ZRANB3: variants seen among roughly 807,000 people sequenced by gnomAD.
The protein encoded by ZRANB3 is zinc finger RANBP2-type containing 3.
A neutral mutation model predicts 133.8 loss-of-function variants in ZRANB3; 125 were observed. The ratio of observed to expected loss-of-function variants is 0.93; its 90% CI spans 0.81 to 1.08. ZRANB3 has a LOEUF of 1.08. Among genes scored for constraint, ZRANB3 ranks in the 50% least tolerant of loss-of-function variants. The pLI is 0.00. For synonymous variants in ZRANB3, 387 were observed against 432.7 expected (o/e 0.89, Z 1.31); for missense variants, 1,229 against 1,275.5 (o/e 0.96, Z 0.56).
chr2:135,272,368 T>C (rs1182630448), intron 9 of ZRANB3, among the ~76,000 whole-genome samples: 2 of 150,784 alleles, frequency 1.3e-5, no homozygotes, highest in South Asian at 4.2e-4. Flanking sequence ...TGAAGAGTAG[T>C]ACATTTATTT....
intron 2 of ZRANB3, among the ~76,000 whole-genome samples, chr2:135,480,774 C>A (rs536814643): frequency 8.5e-6 from 1 of 117,280 alleles, no homozygotes; most frequent in Non-Finnish European, 1.6e-5. Context: ...CTCCCCCCAC[C>A]CGACAACAGT....
intron 12 of ZRANB3, among the ~76,000 whole-genome samples, chr2:135,241,295 C>G (rs72980400): frequency 0.043 from 6,538 of 151,062 alleles, 476 homozygotes; most frequent in African/African-American, 0.15. Context: ...ATCTTTCAAC[C>G]CTTCTATAGA....
At chr2:135,220,134 G>T (rs1195674146) in intron 15 of ZRANB3, among the ~76,000 whole-genome samples, 1 of 151,806 alleles carries the variant, frequency 6.6e-6, no homozygotes, top group East Asian at 1.9e-4. Flanking sequence ...TGAACTCCTG[G>T]GCTCAAGTGA....
At chr2:135,401,351 G>C (rs1383306251) in intron 2 of ZRANB3, among the ~76,000 whole-genome samples, 1 of 152,170 alleles carries the variant, frequency 6.6e-6, no homozygotes, top group African/African-American at 2.4e-5. Context: ...AAGTTGATGT[G>C]ATCTTTATGT....
intron 2 of ZRANB3, among the ~76,000 whole-genome samples, chr2:135,417,278 A>G (rs572731516): frequency 0.031 from 4,744 of 152,000 alleles, 236 homozygotes; most frequent in African/African-American, 0.11. Flanking sequence ...AAAACAAACA[A>G]CCCCATCAAA....
chr2:135,499,386 CATT>C (rs1299207712), intron 2 of ZRANB3, among the ~76,000 whole-genome samples: 5 of 152,070 alleles, frequency 3.3e-5, no homozygotes, highest in Non-Finnish European at 7.4e-5. Context: ...CAGAAGACAT[CATT>C]AAGACAAGGA....
chr2:135,262,160 A>AAAAAAAAC lies in ZRANB3; in HGVS notation c.1539+3373_1539+3374insGTTTTTTT, dbSNP rs1491365617. Reference sequence around the variant, plus strand: ...GGCGACAGAGTGAGACTCCATCTCCAAAAAAAAAAAAAAAAAAAAACAAAG... The same window carrying AAAAAAAAC: ...GGCGACAGAGTGAGACTCCATCTCCAAAAAAAACAAAAAAAAAAAAAAAAAAAACAAAG... On this transcript the variant is annotated intron_variant, in intron 12 of 20. Coordinates refer to ENST00000264159, the MANE Select transcript of ZRANB3 (RefSeq NM_032143.4). Among the ~76,000 whole-genome samples, 10 of 58,462 alleles carry AAAAAAAAC rather than the reference A, an allele frequency of 1.7e-4. 1 individual carries two copies. In the South Asian group the frequency reaches 4.1e-3, roughly 24 times the overall value. 38.4% of individuals were successfully genotyped at this position (58,462 alleles called of 152,430 possible).
In ZRANB3 at chr2:135,227,836, C is replaced by T. The variant is rs770499003; in HGVS notation, c.2134G>A (p.Gly712Arg). Reference protein sequence around the residue: ...EETPKIEKEDGLTSQPGNEQW... With the variant: ...EETPKIEKEDRLTSQPGNEQW... ...CCATTACCTGGCTGGGATGTAAGTC[C>T]GTCTTCTTTCTCAATTTTTGGTGTT... The change falls in exon 14 of 21, where the codon GGA (glycine) becomes AGA (arginine). Residue 712 changes from glycine (G) to arginine (R), a missense_variant. Transcript: ENST00000264159. The T allele has an allele frequency of 6.3e-6, 10 of 1,576,054 alleles. No homozygotes were observed. Among genetic ancestry groups the T allele is most frequent in the East Asian group, 2.3e-5 (1 of 43,792 alleles).
intron 6 of ZRANB3, among the ~76,000 whole-genome samples, chr2:135,319,027 A>C (rs1467923407): frequency 6.6e-6 from 1 of 152,250 alleles, no homozygotes; most frequent in Non-Finnish European, 1.5e-5. Context: ...CAGTATGCTA[A>C]AAAACAATGC....
intron 8 of ZRANB3, among the ~76,000 whole-genome samples, chr2:135,312,329 C>T (rs1683036803): frequency 6.6e-6 from 1 of 151,916 alleles, no homozygotes; most frequent in Non-Finnish European, 1.5e-5. Flanking sequence ...TCCCAAGTAA[C>T]TAGGATGACA....
chr2:135,220,464 C>T (rs1694493102), intron 15 of ZRANB3, among the ~76,000 whole-genome samples: 1 of 151,792 alleles, frequency 6.6e-6, no homozygotes. Flanking sequence ...CTTTGGGAGG[C>T]CGAGGCAGGA....
chr2:135,218,681 T>TAATG (rs773413070), intron 16 of ZRANB3, among the ~76,000 whole-genome samples: 35 of 152,334 alleles, frequency 2.3e-4, no homozygotes, highest in Non-Finnish European at 4.1e-4. Context: ...GTGCTTCTGA[T>TAATG]AATGAATCAA....
At chr2:135,212,619 A>G (rs548818327) in intron 17 of ZRANB3, among the ~76,000 whole-genome samples, 1 of 152,362 alleles carries the variant, frequency 6.6e-6, no homozygotes, top group African/African-American at 2.4e-5. Context: ...AGTTGCCGAT[A>G]CTTAATTTTC....
At chr2:135,216,550 C>A (rs1011546243) in intron 17 of ZRANB3, among the ~76,000 whole-genome samples, 2 of 152,106 alleles carry the variant, frequency 1.3e-5, no homozygotes, top group Non-Finnish European at 2.9e-5. Context: ...AGCGATCCTC[C>A]GGCCTCAGCC....
chr2:135,334,086 A>T (rs1684271325), intron 6 of ZRANB3, among the ~76,000 whole-genome samples: 1 of 152,208 alleles, frequency 6.6e-6, no homozygotes, highest in Non-Finnish European at 1.5e-5. Context: ...CAACTAGGTT[A>T]GTATTTGACT....
chr2:135,424,481 C>G (rs1688989140), intron 2 of ZRANB3, among the ~76,000 whole-genome samples: 1 of 152,094 alleles, frequency 6.6e-6, no homozygotes, highest in African/African-American at 2.4e-5. Flanking sequence ...GTCTGTAATC[C>G]CAGCACTCTG....
chr2:135,366,561 A>T (rs1685947610), intron 3 of ZRANB3, among the ~76,000 whole-genome samples: 1 of 152,126 alleles, frequency 6.6e-6, no homozygotes, highest in South Asian at 2.1e-4. Flanking sequence ...CAAGAATATG[A>T]ATCAAATGAG....
chr2:135,381,547 C>T (rs1686700263), intron 3 of ZRANB3, among the ~76,000 whole-genome samples: 1 of 152,198 alleles, frequency 6.6e-6, no homozygotes, highest in Admixed American at 6.5e-5. Flanking sequence ...TAGACTGCCT[C>T]TCACGTGGGT....
Position 135,316,312 on chromosome 2 carries a change from C to G in ZRANB3, c.678-782G>C, listed in dbSNP as rs80076710. On this transcript the variant is annotated intron_variant, in intron 6 of 20. Transcript: ENST00000264159. The stretch of plus-strand genomic sequence containing the variant: ...ACCAAGTACTGTGAACAAATGTTAA[C>G]AGAAGGGTTGAAATCTAGTGGATCA... Among the ~76,000 whole-genome samples the G allele has an allele frequency of 3.0e-3, 453 of 152,240 alleles. 3 individuals are homozygous for G. Among genetic ancestry groups the G allele is most frequent in the African/African-American group, 0.01 (422 of 41,550 alleles).
Sources: gnomAD v4.1 joint callset for allele counts (sites outside exome capture counted in the v4.1 genomes callset) on GRCh38, gnomAD v4.1.1 for gene constraint, MANE v1.5 for transcripts, NCBI Gene and HGNC (gene_info 2026-07-23, HGNC 2026-07-21) for gene names.